Variants in EYS observed in about 807,000 individuals in gnomAD.
EYS encodes EGF-like photoreceptor maintenance factor, also known as protein eyes shut homolog.
Under a neutral mutation model 282.1 loss-of-function variants are expected in EYS, and 250 were observed. That is an observed-to-expected ratio of 0.89 (90% confidence interval 0.80 to 0.98). The LOEUF is 0.98. Ranked by LOEUF, EYS falls within the 50% of genes least tolerant of loss-of-function variation. EYS has a pLI of 0.00. For synonymous variants in EYS, 1,355 were observed against 1,282.9 expected (o/e 1.06, Z -1.20); for missense variants, 4,016 against 3,709.0 (o/e 1.08, Z -2.15).
chr6:64,353,553 G>C (rs865838428), intron 29 of EYS, among the ~76,000 whole-genome samples: 1 of 151,550 alleles, frequency 6.6e-6, no homozygotes, highest in Admixed American at 6.6e-5. Flanking sequence ...CTCTGGGTTT[G>C]TTGATGACAG....
intron 26 of EYS, among the ~76,000 whole-genome samples, chr6:64,486,591 C>A (rs372710221): frequency 4.6e-5 from 7 of 151,460 alleles, no homozygotes; most frequent in African/African-American, 1.4e-4. Context: ...AGCAGGCATG[C>A]GGTCTGTATG....
intron 19 of EYS, among the ~76,000 whole-genome samples, chr6:64,879,122 C>T (rs1290883663): frequency 3.9e-5 from 6 of 152,116 alleles, no homozygotes; most frequent in African/African-American, 1.4e-4. Context: ...CTAACTGGCC[C>T]TTAGGTTCTG....
At chr6:64,264,944 G>A (rs990334087) in intron 30 of EYS, among the ~76,000 whole-genome samples, 1 of 151,976 alleles carries the variant, frequency 6.6e-6, no homozygotes, top group Non-Finnish European at 1.5e-5. Flanking sequence ...CATTGTCAAC[G>A]GCATGGATAT....
chr6:63,986,359 T>G (rs1415583578), intron 34 of EYS, among the ~76,000 whole-genome samples: 2 of 151,842 alleles, frequency 1.3e-5, no homozygotes, highest in Non-Finnish European at 2.9e-5. Context: ...TGGAAAGCAG[T>G]ATGGTGATTC....
At chr6:64,568,748 C>T (rs191300609) in intron 26 of EYS, among the ~76,000 whole-genome samples, 1 of 152,042 alleles carries the variant, frequency 6.6e-6, no homozygotes, top group African/African-American at 2.4e-5. Flanking sequence ...TGGCATCTGG[C>T]GGGTGCCTCT....
At chr6:65,670,370 T>C (rs1768354599) in intron 1 of EYS, among the ~76,000 whole-genome samples, 1 of 152,074 alleles carries the variant, frequency 6.6e-6, no homozygotes, top group South Asian at 2.1e-4. Flanking sequence ...GGATTCCCAT[T>C]GTTGCTAGGC....
Position 65,613,079 on chromosome 6 carries a change from T to C in EYS, c.-333+26699A>G, listed in dbSNP as rs368950922. 1.3e-3 allele frequency among the ~76,000 whole-genome samples: 194 copies of C among 151,900 alleles called. 1 individual carries two copies. Among genetic ancestry groups the C allele is most frequent in the African/African-American group, 4.5e-3 (186 of 41,530 alleles). ...TGAAACAGCTACAGAGGCATCTCAGTTTATAGATGGTTTTTGCTTCAACTA... is the reference window on the plus strand; with the variant it reads ...TGAAACAGCTACAGAGGCATCTCAGCTTATAGATGGTTTTTGCTTCAACTA... On this transcript the variant is annotated intron_variant, in intron 2 of 42. Coordinates refer to ENST00000503581, the MANE Select transcript of EYS (RefSeq NM_001142800.2).
At chr6:65,544,809 C>A (rs1768320988) in intron 2 of EYS, among the ~76,000 whole-genome samples, 1 of 152,112 alleles carries the variant, frequency 6.6e-6, no homozygotes, top group African/African-American at 2.4e-5. Context: ...AAAATTCTGT[C>A]TTGGTGTCTC....
In EYS at chr6:64,547,977, C is replaced by T. The variant is rs371841844; in HGVS notation, c.5644+42246G>A. Among the ~76,000 whole-genome samples the T allele has an allele frequency of 1.4e-4, 22 of 152,318 alleles. No homozygotes were observed. In the East Asian group the frequency reaches 2.7e-3, roughly 19 times the overall value. ...CAGGGCTGGCCGGCAGCTCCAAGTG[C>T]GGGACCAGCCAAGCCCATGCCCACC... On this transcript the variant is annotated intron_variant, in intron 26 of 42. Coordinates refer to ENST00000503581, the MANE Select transcript of EYS (RefSeq NM_001142800.2).
intron 7 of EYS, among the ~76,000 whole-genome samples, chr6:65,390,879 G>A (rs974150193): frequency 1.5e-4 from 22 of 147,480 alleles, no homozygotes; most frequent in Admixed American, 2.8e-4. Context: ...ATGAGACCCC[G>A]TCTCTAAAAA....
At chr6:65,390,232 G>T (rs963660799) in intron 7 of EYS, among the ~76,000 whole-genome samples, 1 of 151,456 alleles carries the variant, frequency 6.6e-6, no homozygotes, top group East Asian at 1.9e-4. Flanking sequence ...TTCCAAGAGG[G>T]ATACCAAAGT....
intron 28 of EYS, among the ~76,000 whole-genome samples, chr6:64,416,852 C>T (rs967967315): frequency 2.0e-5 from 3 of 151,944 alleles, no homozygotes; most frequent in Non-Finnish European, 2.9e-5. Flanking sequence ...TGTTGATAAC[C>T]TAATAATAAT....
chr6:64,330,252 G>A (rs114737180), intron 29 of EYS, among the ~76,000 whole-genome samples: 4,737 of 152,212 alleles, frequency 0.031, 233 homozygotes, highest in African/African-American at 0.11. Flanking sequence ...ATCTCTCAAG[G>A]GCAGCGTGAG....
chr6:64,013,173 G>C (rs1213240388), intron 33 of EYS, among the ~76,000 whole-genome samples: 1 of 152,134 alleles, frequency 6.6e-6, no homozygotes, highest in Non-Finnish European at 1.5e-5. Flanking sequence ...TTACTCCCTT[G>C]ATTAAACAGA....
intron 31 of EYS, among the ~76,000 whole-genome samples, chr6:64,103,069 C>T (rs1037691765): frequency 3.3e-5 from 5 of 152,070 alleles, no homozygotes; most frequent in Admixed American, 6.6e-5. Flanking sequence ...AGATGCCCCA[C>T]ATGATGCCTT....
intron 18 of EYS, among the ~76,000 whole-genome samples, chr6:64,899,275 A>C (rs2150070140): frequency 6.6e-6 from 1 of 152,308 alleles, no homozygotes; most frequent in African/African-American, 2.4e-5. Flanking sequence ...AGTGCAACAA[A>C]CTAGAACTCA....
At chr6:64,184,639 A>G (rs1055755648) in intron 31 of EYS, among the ~76,000 whole-genome samples, 1 of 152,102 alleles carries the variant, frequency 6.6e-6, no homozygotes, top group African/African-American at 2.4e-5. Context: ...ACTTGAAGAG[A>G]AGTAGCTAAA....
At chr6:65,065,236 T>G (rs1214373224) in intron 12 of EYS, among the ~76,000 whole-genome samples, 3 of 152,204 alleles carry the variant, frequency 2.0e-5, no homozygotes, top group Non-Finnish European at 4.4e-5. Context: ...TTGAAAATTT[T>G]CTCACAACTG....
intron 36 of EYS, among the ~76,000 whole-genome samples, chr6:63,820,554 C>T (rs1280889518): frequency 6.6e-6 from 1 of 152,120 alleles, no homozygotes; most frequent in East Asian, 1.9e-4. Context: ...TAGATTTGGT[C>T]CTGAGATATT....
Sources: allele counts gnomAD v4.1 joint callset (sites outside exome capture counted in the v4.1 genomes callset), GRCh38; gene constraint gnomAD v4.1.1; transcripts MANE v1.5; gene names NCBI Gene and HGNC (gene_info 2026-07-23, HGNC 2026-07-21).